Variants in CSMD1 observed in about 807,000 individuals in gnomAD.
CSMD1 encodes the protein CUB and sushi domain-containing protein 1.
A neutral mutation model predicts 417.5 loss-of-function variants in CSMD1; 213 were observed. The observed-to-expected ratio is 0.51, with a 90% CI of 0.46 to 0.57. The LOEUF is 0.57. Among genes scored for constraint, CSMD1 ranks in the 20% least tolerant of loss-of-function variants. The pLI, the probability that CSMD1 is intolerant of heterozygous loss-of-function variation, is 0.00. For synonymous variants in CSMD1, 2,862 were observed against 1,736.8 expected (o/e 1.65, Z -16.11); for missense variants, 6,923 against 4,529.7 (o/e 1.53, Z -15.17).
rs190515552 is a variant in CSMD1, at chr8:4,289,256, C to T, written c.415+130697G>A. 3.3e-5 allele frequency among the ~76,000 whole-genome samples: 5 copies of T among 152,294 alleles called. No homozygotes were observed. The East Asian group carries it at 9.6e-4, about 29-fold the overall frequency. On this transcript the variant is annotated intron_variant, in intron 3 of 69. Transcript: ENST00000635120. The stretch of plus-strand genomic sequence containing the variant: ...TCATATTGTTATTCAACTGTTTTCC[C>T]TGGAAGCCTCTTTAGGCTAATTTGC...
chr8:3,871,915 C>T lies in CSMD1; in HGVS notation c.819-117873G>A, dbSNP rs76513506. Among the ~76,000 whole-genome samples, 130 of 152,250 alleles carry T rather than the reference C, an allele frequency of 8.5e-4. 3 individuals carry two copies. In the East Asian group the frequency reaches 0.022, roughly 26 times the overall value. On this transcript the variant is annotated intron_variant, in intron 5 of 69. Transcript: ENST00000635120. ...TTGAAATAAAGATAAAATGAATTAA[C>T]GTAGCCCTAATCTTCTGAAAAACAC...
At chr8:3,377,961 A>G (rs1365016726) in intron 18 of CSMD1, among the ~76,000 whole-genome samples, 1 of 152,226 alleles carries the variant, frequency 6.6e-6, no homozygotes, top group Non-Finnish European at 1.5e-5. Flanking sequence ...TTGAGGTCAG[A>G]AAAGTCAGTG....
At chr8:4,552,144 G>T (rs1398614154) in intron 2 of CSMD1, among the ~76,000 whole-genome samples, 1 of 152,150 alleles carries the variant, frequency 6.6e-6, no homozygotes, top group Non-Finnish European at 1.5e-5. Context: ...AATCTAACAT[G>T]CATTGGGATT....
intron 3 of CSMD1, among the ~76,000 whole-genome samples, chr8:4,037,929 G>C (rs569766754): frequency 1.3e-5 from 2 of 152,068 alleles, no homozygotes; most frequent in South Asian, 4.1e-4. Flanking sequence ...AGGAAAAAAA[G>C]TTTTTCAAAA....
chr8:3,968,004 T>TAAAAAAAAAAAAAAAAAAAAAAAAAAA (rs11330461), intron 5 of CSMD1, among the ~76,000 whole-genome samples: 15 of 98,882 alleles, frequency 1.5e-4, no homozygotes, highest in African/African-American at 6.5e-4. Context: ...CGTCACTGCT[T>TAAAAAAAAAAAAAAAAAAAAAAAAAAA]AAAAAAAAAA....
chr8:4,236,819 T>C (rs1802093648), intron 3 of CSMD1, among the ~76,000 whole-genome samples: 1 of 152,202 alleles, frequency 6.6e-6, no homozygotes, highest in South Asian at 2.1e-4. Context: ...AAGTCTATGT[T>C]GCTTTCCAAA....
intron 7 of CSMD1, among the ~76,000 whole-genome samples, chr8:3,665,347 C>T (rs564795105): frequency 2.0e-5 from 3 of 152,106 alleles, no homozygotes; most frequent in South Asian, 2.1e-4. Flanking sequence ...CTGGCCCATA[C>T]GGCAACACCC....
At chr8:4,453,814 CTTTTTTTTTTTT>C (rs60422486) in intron 2 of CSMD1, among the ~76,000 whole-genome samples, 5 of 67,726 alleles carry the variant, frequency 7.4e-5, no homozygotes, top group Non-Finnish European at 1.3e-4. Flanking sequence ...CAATTCGTTT[CTTTTTTTTTTTT>C]TTTTTTTTTT....
chr8:4,523,962 C>G lies in CSMD1; in HGVS notation c.303-103897G>C, dbSNP rs138566858. Among the ~76,000 whole-genome samples, 267 of 152,172 alleles carry G rather than the reference C, an allele frequency of 1.8e-3. 1 individual carries two copies. The highest frequency in any genetic ancestry group is 6.2e-3 in the African/African-American group (256 of 41,530). On this transcript the variant is annotated intron_variant, in intron 2 of 69. Coordinates refer to ENST00000635120, the MANE Select transcript of CSMD1 (RefSeq NM_033225.6). ...TGTGAAAGTCCAGGTGTTTCCCCAG[C>G]CAGCAGTTCCTACGCTCTCCTCAAA...
In CSMD1 at chr8:4,139,639, C is replaced by A. The variant is rs998984244; in HGVS notation, c.416-107540G>T. On this transcript the variant is annotated intron_variant, in intron 3 of 69. Coordinates refer to ENST00000635120, the MANE Select transcript of CSMD1 (RefSeq NM_033225.6). ...AGGAAGGGCATTTGGAATAGTGGGA[C>A]CAGCAGATGCAAGGGCAAAGGGATG... Among the ~76,000 whole-genome samples the A allele has an allele frequency of 2.5e-4, 38 of 151,018 alleles. 4 individuals are homozygous for A. Among genetic ancestry groups the A allele is most frequent in the African/African-American group, 8.9e-4 (36 of 40,378 alleles).
chr8:4,007,893 A>C (rs1049218232), intron 4 of CSMD1, among the ~76,000 whole-genome samples: 4 of 151,808 alleles, frequency 2.6e-5, no homozygotes, highest in Non-Finnish European at 5.9e-5. Flanking sequence ...CTTTCTTAAG[A>C]ATGAGTGTTA....
chr8:3,552,155 G>C (rs1315018511), intron 10 of CSMD1, among the ~76,000 whole-genome samples: 2 of 152,188 alleles, frequency 1.3e-5, no homozygotes, highest in South Asian at 2.1e-4. Flanking sequence ...TCTTCTAAGA[G>C]AAAGAGGTGA....
chr8:3,456,115 G>T (rs929940842), intron 12 of CSMD1, among the ~76,000 whole-genome samples: 14 of 152,224 alleles, frequency 9.2e-5, no homozygotes, highest in African/African-American at 3.4e-4. Context: ...AAAGCCAGGT[G>T]CAGGATATAA....
intron 7 of CSMD1, among the ~76,000 whole-genome samples, chr8:3,685,296 G>C (rs115718930): frequency 1.6e-3 from 241 of 152,166 alleles, no homozygotes; most frequent in African/African-American, 5.6e-3. Context: ...TTAATGACTC[G>C]GCAGTCTAGT....
chr8:3,960,837 C>T (rs952878408), intron 5 of CSMD1, among the ~76,000 whole-genome samples: 3 of 151,830 alleles, frequency 2.0e-5, no homozygotes, highest in Non-Finnish European at 2.9e-5. Flanking sequence ...ACCTTGCAAT[C>T]GTAACATTGT....
chr8:3,299,102 A>C (rs1563243098), intron 25 of CSMD1, among the ~76,000 whole-genome samples: 1 of 152,182 alleles, frequency 6.6e-6, no homozygotes, highest in Non-Finnish European at 1.5e-5. Flanking sequence ...TTCAAATGTA[A>C]AATTGTTAAA....
chr8:3,080,830 C>A (rs762039023), intron 49 of CSMD1, among the ~76,000 whole-genome samples: 3 of 152,136 alleles, frequency 2.0e-5, no homozygotes, highest in Non-Finnish European at 4.4e-5. Flanking sequence ...GGCTCCCTGG[C>A]CTTTTGGGGG....
In CSMD1 at chr8:2,974,524, C is replaced by G. The variant is rs559554202; in HGVS notation, c.8667G>C (p.Glu2889Asp). 3 of 1,613,536 alleles carry G rather than the reference C, an allele frequency of 1.9e-6. No individual in the cohort carries two copies. Among genetic ancestry groups the G allele is most frequent in the East Asian group, 2.2e-5 (1 of 44,842 alleles). ...CTCTCGTGTCGTTGCCTATGAGGCT[C>G]TCGCTCCCTCTGCAGGAGTAGTGCA... is the stretch of plus-strand genomic sequence containing the variant. ...AVVHYSCRGS[E>D]SLIGNDTRVC... Residue 2889 changes from glutamate to aspartate, a missense_variant, in exon 56 of 70, where the codon GAG (glutamate) becomes GAC (aspartate). Physicochemically the swap from Glu to Asp is conservative, Grantham distance 45. Transcript: ENST00000635120.
chr8:4,521,475 C>T (rs1803442003), intron 2 of CSMD1, among the ~76,000 whole-genome samples: 2 of 152,116 alleles, frequency 1.3e-5, no homozygotes, highest in Non-Finnish European at 1.5e-5. Flanking sequence ...GAAGAATATG[C>T]ATTTATATAA....
Sources: gnomAD v4.1 joint callset for allele counts (sites outside exome capture counted in the v4.1 genomes callset) on GRCh38, gnomAD v4.1.1 for gene constraint, MANE v1.5 for transcripts, NCBI Gene and HGNC (gene_info 2026-07-23, HGNC 2026-07-21) for gene names.